The following CYP51A1 variants were observed in gnomAD, a reference collection of about 807,000 sequenced individuals.
The protein encoded by CYP51A1 is cytochrome P450 family 51 subfamily A member 1.
In CYP51A1, 45 loss-of-function variants were observed where a neutral mutation model predicts 53.5. That is an observed-to-expected ratio of 0.84 (90% confidence interval 0.66 to 1.08). CYP51A1 has a LOEUF of 1.08. CYP51A1 is among the 50% of genes least tolerant of loss of function. CYP51A1 has a pLI of 0.00. For synonymous variants in CYP51A1, 181 were observed against 217.7 expected (o/e 0.83, Z 1.48); for missense variants, 462 against 621.7 (o/e 0.74, Z 2.73).
In CYP51A1 at chr7:92,128,973, A is replaced by C; in HGVS notation, c.375T>G (p.Asn125Lys). ...CTGCATTCAGGTCTTCATTTTTACT[A>C]TTAAAAAGCAGTGCAGCAGCATCAC... ...LGSDAAALLF[N>K]SKNEDLNAED... The change falls in exon 3 of 10, where the codon AAT becomes AAG. Residue 125 changes from asparagine to lysine, a missense_variant. Transcript: ENST00000003100. The C allele has an allele frequency of 6.2e-7, 1 of 1,613,806 alleles. No individual in the cohort carries two copies. The highest frequency in any genetic ancestry group is 1.1e-5 in the South Asian group (1 of 91,070).
chr7:92,132,286 T>G (rs1365136910), intron 1 of CYP51A1, among the ~76,000 whole-genome samples: 1 of 152,218 alleles, frequency 6.6e-6, no homozygotes, highest in Admixed American at 6.5e-5. Context: ...CACAGATTTG[T>G]ATCCAGGGAT....
chr7:92,126,565 G>T, intron 4 of CYP51A1, 138 bp from the exon 5 acceptor site: 1 of 703,600 alleles, frequency 1.4e-6, no homozygotes. Context: ...ATGTGACTAT[G>T]TACAACAACA....
chr7:92,127,881 A>C (rs941796887), intron 3 of CYP51A1, among the ~76,000 whole-genome samples: 1 of 152,196 alleles, frequency 6.6e-6, no homozygotes, highest in South Asian at 2.1e-4. Context: ...AGAGGCATTC[A>C]TTCCCTCATT....
rs1819989587 is a variant in CYP51A1, at chr7:92,134,154, C to T, written c.192+19G>A. 1 of 1,610,134 alleles carries T rather than the reference C, an allele frequency of 6.2e-7. No individual in the cohort carries two copies. Among genetic ancestry groups the T allele is most frequent in the East Asian group, 2.2e-5 (1 of 44,808 alleles). Reference sequence around the variant, plus strand: ...AGCTGCGGCGCGCGCCCCACTCAGACCCTAAAGAATGTACGTACCACCCCT... The same window carrying T: ...AGCTGCGGCGCGCGCCCCACTCAGATCCTAAAGAATGTACGTACCACCCCT... On this transcript the variant is annotated intron_variant, in intron 1 of 9. Coordinates refer to ENST00000003100, the MANE Select transcript of CYP51A1 (RefSeq NM_000786.4).
rs1217673079 is a variant in CYP51A1, at chr7:92,134,204, G to A, written c.161C>T (p.Ala54Val). ...LSLVYLIRLA[A>V]GHLVQLPAGV... ...TGCGGGCAGCTGGACCAGGTGGCCG[G>A]CGGCCAGACGGATCAGGTAGACCAG... The change falls in exon 1 of 10, where the codon GCC (alanine) becomes GTC (valine). Residue 54 changes from alanine to valine, a missense_variant. Ala to Val is a moderately conservative substitution (Grantham distance 64). Coordinates refer to ENST00000003100, the MANE Select transcript of CYP51A1 (RefSeq NM_000786.4). 6.2e-7 allele frequency: 1 copy of A among 1,612,538 alleles called. No individual in the cohort carries two copies. The highest frequency in any genetic ancestry group is 8.5e-7 in the Non-Finnish European group (1 of 1,179,728).
rs1481613922 is a variant in CYP51A1 at position 92,121,286 on chromosome 7, A to G, written c.1086+1834T>C. On this transcript the variant is annotated intron_variant, in intron 7 of 9. Coordinates refer to ENST00000003100, the MANE Select transcript of CYP51A1 (RefSeq NM_000786.4). ...ATCACACCAAGACTCTGTCTCAAAA[A>G]AAAAAAAAAAAGTATCACTTCACAC... is the stretch of plus-strand genomic sequence containing the variant. 7.2e-5 allele frequency among the ~76,000 whole-genome samples: 11 copies of G among 152,210 alleles called. No homozygotes were observed. In the South Asian group the frequency reaches 2.1e-3, roughly 29 times the overall value.
In CYP51A1 at chr7:92,134,443, T is replaced by C; in HGVS notation, c.-79A>G. On this transcript the variant is annotated 5_prime_UTR_variant, in exon 1 of 10. Coordinates refer to ENST00000003100, the MANE Select transcript of CYP51A1 (RefSeq NM_000786.4). Reference sequence around the variant, plus strand: ...CGGAACGAGAGAAGCTGGCAGATGGTCGTCCACAGGGGGCCTTGCCCCAGG... The same window carrying C: ...CGGAACGAGAGAAGCTGGCAGATGGCCGTCCACAGGGGGCCTTGCCCCAGG... 1 of 1,426,074 alleles carries C rather than the reference T, an allele frequency of 7.0e-7. No individual in the cohort carries two copies. The highest frequency in any genetic ancestry group is 9.4e-7 in the Non-Finnish European group (1 of 1,067,700). The allele number at this position is 1,426,074 out of a possible 1,614,324, so 88.3% of individuals were successfully genotyped here. A position where few individuals can be genotyped will look rare whatever the true frequency, so the allele number is the denominator to read the frequency against.
intron 1 of CYP51A1, among the ~76,000 whole-genome samples, chr7:92,133,585 T>C (rs1478303624): frequency 6.6e-6 from 1 of 152,142 alleles, no homozygotes; most frequent in African/African-American, 2.4e-5. Context: ...GTTACATTAT[T>C]AGCATCAGAG....
chr7:92,118,246 CA>C (rs1819618833), intron 8 of CYP51A1, among the ~76,000 whole-genome samples: 1 of 152,020 alleles, frequency 6.6e-6, no homozygotes, highest in Admixed American at 6.6e-5. Flanking sequence ...TTCAACCTCC[CA>C]GGCTCAAGCA....
At chr7:92,127,729 A>G in intron 3 of CYP51A1, 98 bp from the exon 4 acceptor site, 1 of 1,237,286 alleles carries the variant, frequency 8.1e-7, no homozygotes, top group Middle Eastern at 1.9e-4. Context: ...CACTAACACA[A>G]GTAATGGTTT....
intron 1 of CYP51A1, among the ~76,000 whole-genome samples, chr7:92,133,782 C>A (rs913577261): frequency 6.6e-6 from 1 of 152,182 alleles, no homozygotes; most frequent in Non-Finnish European, 1.5e-5. Flanking sequence ...AGGGCCCCAA[C>A]GACCACCGGG....
intron 1 of CYP51A1, among the ~76,000 whole-genome samples, chr7:92,133,781 A>G (rs1231871012): frequency 1.3e-5 from 2 of 152,004 alleles, no homozygotes; most frequent in African/African-American, 4.8e-5. Flanking sequence ...AAGGGCCCCA[A>G]CGACCACCGG....
At chr7:92,125,960 A>G (rs531468894) in intron 5 of CYP51A1, among the ~76,000 whole-genome samples, 43 of 152,350 alleles carry the variant, frequency 2.8e-4, no homozygotes, top group African/African-American at 7.2e-4. Context: ...ACACCACTGC[A>G]CTACAGCTGG....
intron 9 of CYP51A1, among the ~76,000 whole-genome samples, chr7:92,115,901 A>T (rs1819571262): frequency 6.6e-6 from 1 of 152,216 alleles, no homozygotes; most frequent in Non-Finnish European, 1.5e-5. Flanking sequence ...GAAACCAGAT[A>T]ATTACTAGTT....
chr7:92,134,550 G>T, upstream of CYP51A1: 1 of 610,060 alleles, frequency 1.6e-6, no homozygotes, highest in Non-Finnish European at 2.8e-6. Flanking sequence ...ATGTTCCGCT[G>T]GCCACGCCCC....
intron 3 of CYP51A1, among the ~76,000 whole-genome samples, chr7:92,128,064 A>G (rs904008291): frequency 6.6e-6 from 1 of 152,258 alleles, no homozygotes; most frequent in Non-Finnish European, 1.5e-5. Flanking sequence ...AGGGTAAAAC[A>G]TACACATAGA....
rs146408738 is a variant in CYP51A1 at position 92,123,771 on chromosome 7, C to A, written c.853G>T (p.Asp285Tyr). 212 of 1,608,566 alleles carry A rather than the reference C, an allele frequency of 1.3e-4. No homozygotes were observed. In the East Asian group the frequency reaches 4.7e-3, roughly 36 times the overall value. Residue 285 changes from aspartate (D) to tyrosine (Y), a missense_variant, in exon 6 of 10, where the codon GAT becomes TAT. Physicochemically the swap from Asp to Tyr is radical, Grantham distance 160. Coordinates refer to ENST00000003100, the MANE Select transcript of CYP51A1 (RefSeq NM_000786.4). ...QKRRQSQEKIDDILQTLLDAT... is the reference protein window; with the variant it reads ...QKRRQSQEKIYDILQTLLDAT... ...TCTAGTAAAGTTTGGAGAATGTCAT[C>A]AATTTTTTCTTGAGACTGTCTGCGT...
intron 5 of CYP51A1, 43 bp downstream of exon 5, chr7:92,126,210 T>C: frequency 2.9e-6 from 4 of 1,399,902 alleles, no homozygotes; most frequent in South Asian, 1.5e-5. Flanking sequence ...ACAATAATTA[T>C]ACAAAGTTAA....
At chr7:92,122,626 G>C (rs556957276) in intron 7 of CYP51A1, among the ~76,000 whole-genome samples, 1 of 152,314 alleles carries the variant, frequency 6.6e-6, no homozygotes, top group South Asian at 2.1e-4. Flanking sequence ...TTGCTTCCAA[G>C]ATGGAATGTC....
Sources: gnomAD v4.1 joint callset for allele counts (sites outside exome capture counted in the v4.1 genomes callset) on GRCh38, gnomAD v4.1.1 for gene constraint, MANE v1.5 for transcripts, NCBI Gene and HGNC (gene_info 2026-07-23, HGNC 2026-07-21) for gene names.